Variants in OSBPL5 observed in about 807,000 individuals in gnomAD.
The protein encoded by OSBPL5 is oxysterol binding protein like 5, also known as oxysterol-binding protein-related protein 5.
A neutral mutation model predicts 111.2 loss-of-function variants in OSBPL5; 71 were observed. The ratio of observed to expected loss-of-function variants is 0.64; its 90% CI spans 0.53 to 0.78. The LOEUF is 0.78. Among genes scored for constraint, OSBPL5 ranks in the 30% least tolerant of loss-of-function variants. The pLI is 0.00. For missense variants in OSBPL5, 1,210 were observed against 1,189.3 expected, an observed-to-expected ratio of 1.02 and a Z score of -0.26; for synonymous variants, 549 against 513.9, an observed-to-expected ratio of 1.07 and a Z score of -0.93.
intron 1 of OSBPL5, among the ~76,000 whole-genome samples, chr11:3,159,544 C>T (rs1846891070): frequency 6.6e-6 from 1 of 152,232 alleles, no homozygotes; most frequent in Admixed American, 6.5e-5. Context: ...CAACTGCTTC[C>T]CATGGACTCG....
At chr11:3,157,274 G>A (rs541699061) in intron 1 of OSBPL5, among the ~76,000 whole-genome samples, 1 of 152,324 alleles carries the variant, frequency 6.6e-6, no homozygotes, top group Non-Finnish European at 1.5e-5. Context: ...AGTCAGGGCC[G>A]GCAGCAGAGA....
intron 1 of OSBPL5, among the ~76,000 whole-genome samples, chr11:3,148,990 G>A (rs903694446): frequency 1.3e-5 from 2 of 152,222 alleles, no homozygotes; most frequent in Non-Finnish European, 1.5e-5. Flanking sequence ...TCCGTGGGCT[G>A]CAGCCTCCAG....
chr11:3,154,057 A>G lies in OSBPL5; in HGVS notation c.-22+11159T>C, dbSNP rs1846673692. Among the ~76,000 whole-genome samples the G allele has an allele frequency of 6.6e-6, 1 of 152,192 alleles. No individual in the cohort carries two copies. Among genetic ancestry groups the G allele is most frequent in the Admixed American group, 6.5e-5 (1 of 15,292 alleles). Reference sequence around the variant, plus strand: ...CCCCCAAGGAAGGTCTGTGCCCGGGAAACACATGGCATTCAAACCGCCGCT... The same window carrying G: ...CCCCCAAGGAAGGTCTGTGCCCGGGGAACACATGGCATTCAAACCGCCGCT... On this transcript the variant is annotated intron_variant, in intron 1 of 21. Coordinates refer to ENST00000263650, the MANE Select transcript of OSBPL5 (RefSeq NM_020896.4). The surrounding 1 kb of genome is among the most constrained non-coding windows in gnomAD (Gnocchi z 4.9).
chr11:3,123,567 C>T (rs553200185), intron 3 of OSBPL5, among the ~76,000 whole-genome samples: 23 of 152,340 alleles, frequency 1.5e-4, no homozygotes, highest in African/African-American at 3.8e-4. Context: ...CCAGAGAAAG[C>T]GTGCCCGCCC....
intron 1 of OSBPL5, among the ~76,000 whole-genome samples, chr11:3,131,429 A>AATCC (rs757844497): frequency 1.8e-5 from 2 of 112,444 alleles, no homozygotes; most frequent in Non-Finnish European, 3.5e-5. Context: ...TCTATCCATC[A>AATCC]ATCCATCCAT....
rs774980190 is a variant in OSBPL5, at chr11:3,142,037, C to T, written c.-21-12868G>A. On this transcript the variant is annotated intron_variant, in intron 1 of 21. Transcript: ENST00000263650. The surrounding 1 kb of genome is among the most constrained non-coding windows in gnomAD (Gnocchi z 7.1). ...AAGCAATTATCCTGCCTCAGCCTCC[C>T]GCGTTGCTGGGACTACAGGCACCTG... Among the ~76,000 whole-genome samples, 6 of 152,182 alleles carry T rather than the reference C, an allele frequency of 3.9e-5. No individual in the cohort carries two copies. The highest frequency in any genetic ancestry group is 1.9e-4 in the East Asian group (1 of 5,192).
Position 3,093,401 on chromosome 11 carries a change from C to A in OSBPL5, c.1946+126G>T, listed in dbSNP as rs1857133111. 3.5e-6 allele frequency: 5 copies of A among 1,416,140 alleles called. No homozygotes were observed. The African/African-American group carries it at 4.3e-5, about 12-fold the overall frequency. 87.7% of individuals were successfully genotyped at this position (1,416,140 alleles called of 1,614,324 possible). A position where few individuals can be genotyped will look rare whatever the true frequency, so the allele number is the denominator to read the frequency against. ...CACGTGATCTGCCACCAGGGGTGCA[C>A]CAGGCCTGCCCTCCCTGCCAGGGAC... On this transcript the variant is annotated intron_variant, in intron 17 of 21. Coordinates refer to ENST00000263650, the MANE Select transcript of OSBPL5 (RefSeq NM_020896.4).
intron 4 of OSBPL5, 125 bp from the exon 5 acceptor site, chr11:3,122,223 G>GA: frequency 7.6e-7 from 1 of 1,312,590 alleles, no homozygotes; most frequent in Non-Finnish European, 1.1e-6. Flanking sequence ...GGAAGTAGGG[G>GA]GTGTGGAGGC....
rs575553169 is a variant in OSBPL5, at chr11:3,123,638, G to A, written c.220-1210C>T. ...CACTTTCCAGCGGAGCCTCTAGGGC[G>A]AGGAAAGCCTCCCTCAGGCCTTCTC... is the stretch of plus-strand genomic sequence containing the variant. On this transcript the variant is annotated intron_variant, in intron 3 of 21. Coordinates refer to ENST00000263650, the MANE Select transcript of OSBPL5 (RefSeq NM_020896.4). 2.1e-3 allele frequency among the ~76,000 whole-genome samples: 320 copies of A among 152,350 alleles called. 3 individuals carry two copies. The highest frequency in any genetic ancestry group is 5.5e-3 in the African/African-American group (227 of 41,586).
chr11:3,114,591 ATTTTTT>A (rs59645003), intron 7 of OSBPL5, among the ~76,000 whole-genome samples: 4 of 113,900 alleles, frequency 3.5e-5, no homozygotes, highest in African/African-American at 7.0e-5. Flanking sequence ...TAGAACAATG[ATTTTTT>A]TTTTTTTTTT....
intron 7 of OSBPL5, among the ~76,000 whole-genome samples, chr11:3,111,017 A>G (rs1254692214): frequency 6.6e-6 from 1 of 152,140 alleles, no homozygotes; most frequent in Non-Finnish European, 1.5e-5. Flanking sequence ...TAACCACTGA[A>G]GGATTCTGAG....
At chr11:3,112,128 CAT>C (rs775405227) in intron 7 of OSBPL5, among the ~76,000 whole-genome samples, 1 of 131,820 alleles carries the variant, frequency 7.6e-6, no homozygotes, top group African/African-American at 2.9e-5. Context: ...TGTGTGTGCG[CAT>C]ATGTGTGTGT....
rs1858793233 is a variant in OSBPL5, at chr11:3,130,647, C to T, written c.-21-1478G>A. Among the ~76,000 whole-genome samples, 1 of 152,206 alleles carries T rather than the reference C, an allele frequency of 6.6e-6. No individual in the cohort carries two copies. Among genetic ancestry groups the T allele is most frequent in the Admixed American group, 6.5e-5 (1 of 15,286 alleles). On this transcript the variant is annotated intron_variant, in intron 1 of 21. Transcript: ENST00000263650. This position sits in a 1 kb window ranked among gnomAD's most constrained non-coding sequence, Gnocchi z 4.5. ...GCCATCTTACACACAGGGCAGCTGG[C>T]TTCAGAGAGGCTGGCGTTTTGGCCC... is the stretch of plus-strand genomic sequence containing the variant.
intron 13 of OSBPL5, among the ~76,000 whole-genome samples, chr11:3,101,141 A>G (rs965499243): frequency 1.3e-5 from 2 of 151,746 alleles, no homozygotes; most frequent in African/African-American, 4.8e-5. Flanking sequence ...TGCCCGGCTA[A>G]CTTTTGTATT....
In OSBPL5 at chr11:3,120,114, A is replaced by C. The variant is rs185019575; in HGVS notation, c.606+307T>G. 789 of 512,212 alleles carry C rather than the reference A, an allele frequency of 1.5e-3. 14 individuals carry two copies. In the East Asian group the frequency reaches 0.024, roughly 16 times the overall value. 31.7% of individuals were successfully genotyped at this position (512,212 alleles called of 1,614,324 possible). The stretch of plus-strand genomic sequence containing the variant: ...GGGCAGCCCCGGGTTAGGAGGGGTG[A>C]GGGCTGGGCGCTGTTCCTCGGCCAC... On this transcript the variant is annotated intron_variant, in intron 6 of 21. Transcript: ENST00000263650.
chr11:3,103,308 C>A lies in OSBPL5; in HGVS notation c.1257G>T (p.Glu419Asp). ...GCTTCATGCGGCTGTAGGCATCCTC[C>A]TCCACCGCAGCCCTGCCATGGGGCA... ...HADLLSRAAV[E>D]EDAYSRMKLV... Residue 419 changes from glutamate (E) to aspartate (D), a missense_variant, in exon 11 of 22, where the codon GAG becomes GAT. Transcript: ENST00000263650. 1 of 1,606,484 alleles carries A rather than the reference C, an allele frequency of 6.2e-7. No individual in the cohort carries two copies. Among genetic ancestry groups the A allele is most frequent in the East Asian group, 2.2e-5 (1 of 44,602 alleles).
At chr11:3,136,387 G>A (rs1261567263) in intron 1 of OSBPL5, among the ~76,000 whole-genome samples, 1 of 152,240 alleles carries the variant, frequency 6.6e-6, no homozygotes, top group East Asian at 1.9e-4. Context: ...CCATCAGCTG[G>A]GGCCACACTT....
intron 17 of OSBPL5, 91 bp from the exon 18 acceptor site, chr11:3,093,143 G>T: frequency 7.6e-7 from 1 of 1,319,270 alleles, no homozygotes; most frequent in Non-Finnish European, 1.0e-6. Context: ...CCAGAAGGAA[G>T]GCACAGAGCA....
intron 7 of OSBPL5, among the ~76,000 whole-genome samples, chr11:3,111,921 A>C (rs1387527426): frequency 6.8e-6 from 1 of 147,300 alleles, no homozygotes; most frequent in African/African-American, 2.7e-5. Context: ...TCAATGGTTA[A>C]AAGTCAGTTT....
Sources: allele counts gnomAD v4.1 joint callset (sites outside exome capture counted in the v4.1 genomes callset), GRCh38; gene constraint gnomAD v4.1.1; non-coding constraint Gnocchi (gnomAD v3.1); transcripts MANE v1.5; gene names NCBI Gene and HGNC (gene_info 2026-07-23, HGNC 2026-07-21).